SYTL2: variants seen among roughly 807,000 people sequenced by gnomAD.
SYTL2 encodes the protein synaptotagmin-like protein 2.
Under a neutral mutation model 198.7 loss-of-function variants are expected in SYTL2, and 165 were observed. The ratio of observed to expected loss-of-function variants is 0.83; its 90% CI spans 0.73 to 0.94. The LOEUF is 0.94. Among genes scored for constraint, SYTL2 ranks in the 40% least tolerant of loss-of-function variants. The pLI is 0.00. For missense variants in SYTL2, 2,835 were observed against 2,582.8 expected, an observed-to-expected ratio of 1.10 and a Z score of -2.12; for synonymous variants, 966 against 917.7, an observed-to-expected ratio of 1.05 and a Z score of -0.95.
chr11:85,749,875 G>T (rs1250958059), intron 2 of SYTL2, among the ~76,000 whole-genome samples: 2 of 152,162 alleles, frequency 1.3e-5, no homozygotes, highest in Non-Finnish European at 2.9e-5. Context: ...TGGGGGCAGG[G>T]TCTGTACTCA....
chr11:85,791,166 C>CAAAAAAAAAAAAAAAAAA (rs568061365), intron 1 of SYTL2, among the ~76,000 whole-genome samples: 2 of 39,530 alleles, frequency 5.1e-5, no homozygotes, highest in South Asian at 1.9e-3. Flanking sequence ...GAGTCTGCCT[C>CAAAAAAAAAAAAAAAAAA]AAAAAAAAAA....
In SYTL2 at chr11:85,725,508, TGAG is replaced by T; in HGVS notation, c.3847_3849del (p.Leu1283del). ...TGGCACTCACCACTTTCAGCTTTCT[TGAG>T]GAGAGCTGTATTTCCAAAAGTTTCA... On this transcript the variant is annotated inframe_deletion, in exon 8 of 20. Transcript: ENST00000359152. 6.2e-7 allele frequency: 1 copy of T among 1,614,094 alleles called. No individual in the cohort carries two copies. The highest frequency in any genetic ancestry group is 8.5e-7 in the Non-Finnish European group (1 of 1,179,968).
At chr11:85,761,624 C>A (rs770985854) in intron 1 of SYTL2, among the ~76,000 whole-genome samples, 5 of 152,222 alleles carry the variant, frequency 3.3e-5, no homozygotes, top group African/African-American at 4.8e-5. Context: ...TGGCGCTGTA[C>A]ATACCTCTCA....
At position 85,709,467 on chromosome 11, in the gene SYTL2, C is replaced by G. The variant is rs1267851235; in HGVS notation, c.5779G>C (p.Asp1927His). Residue 1927 changes from aspartate to histidine, a missense_variant, in exon 14 of 20, where the codon GAC becomes CAC. Asp to His is a moderately conservative substitution (Grantham distance 81). Around this residue, in one of 3 missense-constraint regions of SYTL2, gnomAD observed 2,645 missense variants for 2,381.7 expected, o/e 1.11. Coordinates refer to ENST00000359152, the MANE Select transcript of SYTL2 (RefSeq NM_206927.4). ...SGSVMSVYSG[D>H]FGNLEVKGNI... ...CCTTTAACTTCCAGATTGCCAAAGT[C>G]TCCACTATAAACACTCATCACACTG... 7 of 1,614,022 alleles carry G rather than the reference C, an allele frequency of 4.3e-6. No individual in the cohort carries two copies. The highest frequency in any genetic ancestry group is 5.1e-6 in the Non-Finnish European group (6 of 1,180,018).
the SYTL2 span, among the ~76,000 whole-genome samples, chr11:85,846,756 T>A: frequency 1.4e-5 from 2 of 141,518 alleles, no homozygotes; most frequent in Admixed American, 7.2e-5. Context: ...TTTTTTGAGA[T>A]GGAGTCTCGC....
In SYTL2 at chr11:85,727,292, T is replaced by C; in HGVS notation, c.2066A>G (p.Asn689Ser). The change falls in exon 8 of 20, where the codon AAT becomes AGT. Residue 689 changes from asparagine to serine, a missense_variant. Transcript: ENST00000359152. ...AENQVPCNTN[N>S]IGNLGEEEPK... ...TTCTTCTTCACCCAAGTTGCCAATA[T>C]TATTAGTGTTGCATGGAACTTGGTT... 1.3e-6 allele frequency: 2 copies of C among 1,535,396 alleles called. No homozygotes were observed. The highest frequency in any genetic ancestry group is 1.7e-6 in the Non-Finnish European group (2 of 1,146,734).
intron 1 of SYTL2, among the ~76,000 whole-genome samples, chr11:85,797,979 G>A (rs1194722674): frequency 1.3e-5 from 2 of 151,374 alleles, no homozygotes; most frequent in Non-Finnish European, 2.9e-5. Context: ...TCAGCCTCCC[G>A]AGTAGCTGGG....
chr11:85,831,911 A>G, the SYTL2 span, among the ~76,000 whole-genome samples: 1 of 145,056 alleles, frequency 6.9e-6, no homozygotes, highest in Non-Finnish European at 1.6e-5. Context: ...ATAGGTATAC[A>G]TCCATGAAAC....
chr11:85,697,870 T>C (rs1409078152), intron 18 of SYTL2, 109 bp downstream of exon 18: 9 of 652,482 alleles, frequency 1.4e-5, no homozygotes, highest in Non-Finnish European at 5.3e-6. Context: ...CCAAGTAAAT[T>C]CATTTAAATT....
intron 1 of SYTL2, among the ~76,000 whole-genome samples, chr11:85,788,180 C>T (rs2092668432): frequency 6.6e-6 from 1 of 152,148 alleles, no homozygotes; most frequent in African/African-American, 2.4e-5. Context: ...ATTTTGAACC[C>T]TAACTATGTG....
At position 85,718,747 on chromosome 11, in the gene SYTL2, A is replaced by C. The variant is rs746522962; in HGVS notation, c.5482+43T>G. The C allele has an allele frequency of 4.4e-6, 7 of 1,592,424 alleles. No homozygotes were observed. In the South Asian group the frequency reaches 7.8e-5, roughly 18 times the overall value. The stretch of plus-strand genomic sequence containing the variant: ...CGGAGACTGCCCAAATCACCCCAGA[A>C]GTTAATACAAAGACAGACACGCAAA... On this transcript the variant is annotated intron_variant, in intron 10 of 19. Transcript: ENST00000359152.
intron 13 of SYTL2, among the ~76,000 whole-genome samples, 182 bp downstream of exon 13, chr11:85,710,931 T>G (rs1013388456): frequency 2.0e-5 from 3 of 152,086 alleles, no homozygotes; most frequent in Non-Finnish European, 4.4e-5. Context: ...ATGATGGATA[T>G]GAACCCCGTT....
chr11:85,722,185 T>G, intron 8 of SYTL2, among the ~76,000 whole-genome samples: 1 of 137,174 alleles, frequency 7.3e-6, no homozygotes. Context: ...TTTTTTTTTT[T>G]TTTTTTTTTT....
rs1050298139 is a variant in SYTL2 at position 85,739,090 on chromosome 11, G to A, written c.390-1434C>T. ...CCTCTGTGTATACATATCTTACCTCGCATAGTAAAGTGGGAGATCCCTCAA... is the reference window on the plus strand; with the variant it reads ...CCTCTGTGTATACATATCTTACCTCACATAGTAAAGTGGGAGATCCCTCAA... On this transcript the variant is annotated intron_variant, in intron 4 of 19. Coordinates refer to ENST00000359152, the MANE Select transcript of SYTL2 (RefSeq NM_206927.4). 2.6e-5 allele frequency among the ~76,000 whole-genome samples: 4 copies of A among 152,112 alleles called. No individual in the cohort carries two copies. The East Asian group carries it at 5.8e-4, about 22-fold the overall frequency.
chr11:85,739,885 A>T (rs2090655707), intron 4 of SYTL2, among the ~76,000 whole-genome samples: 1 of 152,160 alleles, frequency 6.6e-6, no homozygotes, highest in South Asian at 2.1e-4. Flanking sequence ...GCTTGTGGCA[A>T]GAGGACTGGA....
intron 7 of SYTL2, among the ~76,000 whole-genome samples, chr11:85,729,056 T>C (rs1410570241): frequency 1.3e-5 from 2 of 152,192 alleles, no homozygotes; most frequent in African/African-American, 4.8e-5. Context: ...TAAATATATA[T>C]GCACCCAATA....
intron 1 of SYTL2, among the ~76,000 whole-genome samples, chr11:85,761,804 G>A (rs774252602): frequency 5.9e-5 from 9 of 152,166 alleles, no homozygotes; most frequent in South Asian, 4.2e-4. Context: ...GATTACAGGC[G>A]CCCACGACCA....
intron 1 of SYTL2, among the ~76,000 whole-genome samples, chr11:85,758,421 AT>A (rs2153553849): frequency 6.6e-6 from 1 of 152,370 alleles, no homozygotes; most frequent in South Asian, 2.1e-4. Flanking sequence ...CTAAAAAGTC[AT>A]GTTAAAGGTC....
intron 1 of SYTL2, among the ~76,000 whole-genome samples, chr11:85,807,125 G>A (rs972560454): frequency 1.3e-5 from 2 of 152,246 alleles, no homozygotes; most frequent in Admixed American, 1.3e-4. Context: ...ACAGCTCCCA[G>A]GAGCTCTGAG....
Sources: allele counts gnomAD v4.1 joint callset (sites outside exome capture counted in the v4.1 genomes callset), GRCh38; gene constraint gnomAD v4.1.1; regional missense constraint gnomAD v4.1.1; transcripts MANE v1.5; gene names NCBI Gene and HGNC (gene_info 2026-07-23, HGNC 2026-07-21).